Variants in SGPL1 observed in about 807,000 individuals in gnomAD.
SGPL1 encodes the protein SP-lyase 1.
Under a neutral mutation model 68.9 loss-of-function variants are expected in SGPL1, and 37 were observed. That is an observed-to-expected ratio of 0.54 (90% CI 0.41 to 0.71). The LOEUF (loss-of-function observed/expected upper bound fraction) is 0.71, where lower values mean the gene tolerates loss of function less well. SGPL1 is among the 30% of genes least tolerant of loss of function. The pLI, the probability that SGPL1 is intolerant of heterozygous loss-of-function variation, is 0.00. For missense variants in SGPL1, 551 were observed against 704.6 expected, an observed-to-expected ratio of 0.78 and a Z score of 2.47; for synonymous variants, 236 against 248.5, an observed-to-expected ratio of 0.95 and a Z score of 0.47.
intron 7 of SGPL1, among the ~76,000 whole-genome samples, chr10:70,865,973 C>T (rs754259478): frequency 9.2e-5 from 14 of 152,230 alleles, no homozygotes; most frequent in Non-Finnish European, 1.9e-4. Context: ...CAAATAGTTA[C>T]TGAGGCCTCC....
At chr10:70,859,611 C>G (rs1327075673) in intron 7 of SGPL1, 112 bp downstream of exon 7, 1 of 449,844 alleles carries the variant, frequency 2.2e-6, no homozygotes, top group East Asian at 1.1e-4. Context: ...AAATATTTTA[C>G]TACACAAGAA....
At chr10:70,875,693 C>A in intron 13 of SGPL1, 145 bp downstream of exon 13, 1 of 583,990 alleles carries the variant, frequency 1.7e-6, no homozygotes, top group Non-Finnish European at 3.0e-6. Context: ...TTCTCTCTTG[C>A]CACCTGGAAT....
intron 2 of SGPL1, among the ~76,000 whole-genome samples, chr10:70,835,252 A>G (rs1216469116): frequency 6.6e-6 from 1 of 152,204 alleles, no homozygotes; most frequent in East Asian, 1.9e-4. Context: ...CCTAATTTGT[A>G]TTCTTATCAG....
At chr10:70,823,708 T>G (rs1177765126) in intron 2 of SGPL1, among the ~76,000 whole-genome samples, 1 of 149,284 alleles carries the variant, frequency 6.7e-6, no homozygotes, top group African/African-American at 2.4e-5. Flanking sequence ...TAGATATATA[T>G]ATCTTTTAAA....
At chr10:70,825,219 G>T (rs1266801054) in intron 2 of SGPL1, among the ~76,000 whole-genome samples, 1 of 152,118 alleles carries the variant, frequency 6.6e-6, no homozygotes, top group Non-Finnish European at 1.5e-5. Context: ...AGTAGGAAAG[G>T]CATCAAGGGG....
In SGPL1 at chr10:70,871,041, T is replaced by TCC. The variant is rs1418994980; in HGVS notation, c.811-5_811-4dup. 4 of 1,608,960 alleles carry TCC rather than the reference T, an allele frequency of 2.5e-6. No individual in the cohort carries two copies. The highest frequency in any genetic ancestry group is 3.4e-6 in the Non-Finnish European group (4 of 1,175,456). On this transcript the variant is annotated splice_polypyrimidine_tract_variant and splice_region_variant and intron_variant, in intron 9 of 14. Transcript: ENST00000373202. ...TTCTCATTTTCCTTTAAACTTTAAATCCCTAGGCAATGAGAAGAGCTATCT... is the reference window on the plus strand; with the variant it reads ...TTCTCATTTTCCTTTAAACTTTAAATCCCCCTAGGCAATGAGAAGAGCTATCT...
In SGPL1 at chr10:70,857,768, T is replaced by G. The variant is rs780902064; in HGVS notation, c.486+78T>G. ...ACCTCCTTTTTTTCCCTTACTTTTG[T>G]AATTAGAAAAATTACTTAAGGAAAG... On this transcript the variant is annotated intron_variant, in intron 6 of 14. Coordinates refer to ENST00000373202, the MANE Select transcript of SGPL1 (RefSeq NM_003901.4). 4 of 924,444 alleles carry G rather than the reference T, an allele frequency of 4.3e-6. No homozygotes were observed. The African/African-American group carries it at 6.8e-5, about 16-fold the overall frequency. 57.3% of individuals were successfully genotyped at this position (924,444 alleles called of 1,614,324 possible). A position where few individuals can be genotyped will look rare whatever the true frequency, so the allele number is the denominator to read the frequency against.
rs3834417 is a variant in SGPL1 at position 70,881,173 on chromosome 10, TAAA to T, written c.*3847_*3849del. 1.4e-5 allele frequency: 2 copies of T among 146,314 alleles called. No individual in the cohort carries two copies. The highest frequency in any genetic ancestry group is 2.0e-4 in the East Asian group (1 of 5,088). 9.1% of individuals were successfully genotyped at this position (146,314 alleles called of 1,614,324 possible). ...ATTTTAGAATAAACCTATTTATTTC[TAAA>T]AAAAAAAAGAAAAGAAAGTGTTACC... On this transcript the variant is annotated 3_prime_UTR_variant, in exon 15 of 15. Coordinates refer to ENST00000373202, the MANE Select transcript of SGPL1 (RefSeq NM_003901.4).
At chr10:70,844,212 C>T (rs1845757346) in intron 2 of SGPL1, among the ~76,000 whole-genome samples, 1 of 152,134 alleles carries the variant, frequency 6.6e-6, no homozygotes, top group Admixed American at 6.5e-5. Context: ...GACGATCTAG[C>T]TTAACCCTCT....
chr10:70,872,134 A>T lies in SGPL1; in HGVS notation c.1059+148A>T, dbSNP rs147669708. ...TAAACTCTCTCTTTGCCGTCACCAG[A>T]TCAGCTGGTTCAGGTGATGGGGTAT... is the stretch of plus-strand genomic sequence containing the variant. On this transcript the variant is annotated intron_variant, in intron 11 of 14. Transcript: ENST00000373202. 421 of 801,362 alleles carry T rather than the reference A, an allele frequency of 5.3e-4. 1 individual carries two copies. In the African/African-American group the frequency reaches 6.7e-3, roughly 13 times the overall value. The allele number at this position is 801,362 out of a possible 1,614,324, so 49.6% of individuals were successfully genotyped here.
chr10:70,873,610 T>C lies in SGPL1; in HGVS notation c.1298+21T>C, dbSNP rs773000705. On this transcript the variant is annotated intron_variant, in intron 12 of 14. Coordinates refer to ENST00000373202, the MANE Select transcript of SGPL1 (RefSeq NM_003901.4). ...TCAGAGTATGTGTGGAAGACTGGGGTTCTGCCTTGTCTATTGCTTTTTTGT... is the reference window on the plus strand; with the variant it reads ...TCAGAGTATGTGTGGAAGACTGGGGCTCTGCCTTGTCTATTGCTTTTTTGT... The C allele has an allele frequency of 2.6e-6, 4 of 1,565,196 alleles. No individual in the cohort carries two copies. The Admixed American group carries it at 6.7e-5, about 26-fold the overall frequency.
At position 70,871,156 on chromosome 10, in the gene SGPL1, A is replaced by AG; in HGVS notation, c.909+11dup. The AG allele has an allele frequency of 6.4e-7, 1 of 1,554,842 alleles. No individual in the cohort carries two copies. Among genetic ancestry groups the AG allele is most frequent in the South Asian group, 1.1e-5 (1 of 87,350 alleles). ...CCCTGAAGTGGCCAAGGTATATGAG[A>AG]GAAATGGGCTGCTAAGGCAGGCAAA... is the stretch of plus-strand genomic sequence containing the variant. On this transcript the variant is annotated intron_variant, in intron 10 of 14. Coordinates refer to ENST00000373202, the MANE Select transcript of SGPL1 (RefSeq NM_003901.4).
Position 70,859,371 on chromosome 10 carries a change from G to T in SGPL1, c.487G>T (p.Ala163Ser). The change falls in exon 7 of 15, where the codon GCT (alanine) becomes TCT (serine). Residue 163 changes from alanine to serine, a missense_variant and splice_region_variant. Ala to Ser is a moderately conservative substitution (Grantham distance 99). Transcript: ENST00000373202. The part of the protein sequence containing the change: ...EEKLTELLVK[A>S]YGDFAWSNPL... ...CACATCTGCTTGCATTTTTTTGCAGGCTTATGGAGATTTTGCATGGAGTAA... is the reference window on the plus strand; with the variant it reads ...CACATCTGCTTGCATTTTTTTGCAGTCTTATGGAGATTTTGCATGGAGTAA... 6.7e-7 allele frequency: 1 copy of T among 1,488,482 alleles called. No individual in the cohort carries two copies. Among genetic ancestry groups the T allele is most frequent in the South Asian group, 1.4e-5 (1 of 70,024 alleles). 92.2% of individuals were successfully genotyped at this position (1,488,482 alleles called of 1,614,324 possible).
At position 70,874,591 on chromosome 10, in the gene SGPL1, C is replaced by T. The variant is rs534192010; in HGVS notation, c.1299-811C>T. The stretch of plus-strand genomic sequence containing the variant: ...ATACAAAATTAGCCGGGCGTGGTGG[C>T]GCATGCCTGTAATCCCAGCTACTCA... On this transcript the variant is annotated intron_variant, in intron 12 of 14. Coordinates refer to ENST00000373202, the MANE Select transcript of SGPL1 (RefSeq NM_003901.4). Among the ~76,000 whole-genome samples the T allele has an allele frequency of 2.7e-3, 412 of 152,186 alleles. 4 individuals carry two copies. Among genetic ancestry groups the T allele is most frequent in the African/African-American group, 9.4e-3 (391 of 41,514 alleles).
intron 2 of SGPL1, among the ~76,000 whole-genome samples, chr10:70,828,144 A>G (rs1845468491): frequency 6.6e-6 from 1 of 152,162 alleles, no homozygotes; most frequent in Admixed American, 6.5e-5. Flanking sequence ...GGTAACGTGT[A>G]CTGCCAAACA....
chr10:70,818,537 T>G (rs945804439), intron 2 of SGPL1, among the ~76,000 whole-genome samples: 11 of 152,232 alleles, frequency 7.2e-5, no homozygotes, highest in African/African-American at 2.4e-4. Context: ...TTGGCGTCAC[T>G]GGGAAACTGG....
At chr10:70,818,696 T>C (rs1845283048) in intron 2 of SGPL1, among the ~76,000 whole-genome samples, 1 of 152,204 alleles carries the variant, frequency 6.6e-6, no homozygotes, top group African/African-American at 2.4e-5. Flanking sequence ...TTAGGTTGTA[T>C]GTGAGAGACA....
intron 4 of SGPL1, among the ~76,000 whole-genome samples, chr10:70,851,943 T>G (rs1845888678): frequency 6.6e-6 from 1 of 152,218 alleles, no homozygotes; most frequent in African/African-American, 2.4e-5. Context: ...ATTTTCTGTA[T>G]TGTAGTATGT....
At position 70,875,489 on chromosome 10, in the gene SGPL1, A is replaced by G. The variant is rs1476857113; in HGVS notation, c.1386A>G (p.Arg462=). ...GATCCCGTGATTTTGACATCTACCG[A>G]CTATCAAACCTGATGACTGCTAAGG... ...ALGSRDFDIY[R]LSNLMTAKGW... is the part of the protein sequence containing the mutation. Residue 462 remains arginine (R), a synonymous_variant, in exon 13 of 15, where the codon CGA becomes CGG. Transcript: ENST00000373202. 6.2e-7 allele frequency: 1 copy of G among 1,613,370 alleles called. No individual in the cohort carries two copies. Among genetic ancestry groups the G allele is most frequent in the Admixed American group, 1.7e-5 (1 of 60,022 alleles).
Sources: allele counts gnomAD v4.1 joint callset (sites outside exome capture counted in the v4.1 genomes callset), GRCh38; gene constraint gnomAD v4.1.1; transcripts MANE v1.5; gene names NCBI Gene and HGNC (gene_info 2026-07-23, HGNC 2026-07-21).